The following PLAGL1 variants were observed in gnomAD, a reference collection of about 807,000 sequenced individuals.
The protein encoded by PLAGL1 is PLAG1 like zinc finger 1.
In PLAGL1, 1 loss-of-function variant was observed where a neutral mutation model predicts 4.6. The ratio of observed to expected loss-of-function variants is 0.22; its 90% CI spans 0.08 to 1.03. PLAGL1 has a LOEUF of 1.03. PLAGL1 is among the 50% of genes least tolerant of loss of function. The probability of loss-of-function intolerance (pLI) is 0.58; values close to 1 mark genes in which losing one functional copy is unlikely to be tolerated. For missense variants in PLAGL1, 464 were observed against 570.4 expected (o/e 0.81, Z 1.90); for synonymous variants, 240 against 237.8 (o/e 1.01, Z -0.08).
At position 143,994,509 on chromosome 6, in the gene PLAGL1, C is replaced by T. The variant is rs1009887225; in HGVS notation, c.-583-9335G>A. ...AGTGCGGACAGATTTAACAAGGCAG[C>T]CCTACTTCACAGTAGCTCTTGAAAT... On this transcript the variant is annotated intron_variant, in intron 1 of 7. Transcript: ENST00000674357. This position sits in a 1 kb window ranked among gnomAD's most constrained non-coding sequence, Gnocchi z 4.3. Among the ~76,000 whole-genome samples, 1 of 152,168 alleles carries T rather than the reference C, an allele frequency of 6.6e-6. No homozygotes were observed. Among genetic ancestry groups the T allele is most frequent in the Admixed American group, 6.5e-5 (1 of 15,282 alleles).
In PLAGL1 at chr6:143,960,689, A is replaced by G. The variant is rs1307680134; in HGVS notation, c.-398-147T>C. 1 of 152,214 alleles carries G rather than the reference A, an allele frequency of 6.6e-6. No individual in the cohort carries two copies. Among genetic ancestry groups the G allele is most frequent in the Non-Finnish European group, 1.5e-5 (1 of 68,030 alleles). The allele number at this position is 152,214 out of a possible 1,614,324, so 9.4% of individuals were successfully genotyped here. A position where few individuals can be genotyped will look rare whatever the true frequency, so the allele number is the denominator to read the frequency against. On this transcript the variant is annotated intron_variant, in intron 5 of 7. Transcript: ENST00000674357. The surrounding 1 kb of genome is among the most constrained non-coding windows in gnomAD (Gnocchi z 5.7). ...TTCTAGTGTTTTTTCATGCATTTTA[A>G]TAGATGATCTTTAAACACTCATATC...
chr6:144,021,285 T>C (rs1795961014), intron 1 of PLAGL1, among the ~76,000 whole-genome samples: 1 of 152,224 alleles, frequency 6.6e-6, no homozygotes, highest in Non-Finnish European at 1.5e-5. Context: ...TAAGAGTCTC[T>C]ACAAGTTCTA....
At position 143,997,782 on chromosome 6, in the gene PLAGL1, G is replaced by C. The variant is rs957874207; in HGVS notation, c.-584+10308C>G. 6.6e-6 allele frequency among the ~76,000 whole-genome samples: 1 copy of C among 151,560 alleles called. No individual in the cohort carries two copies. Among genetic ancestry groups the C allele is most frequent in the Admixed American group, 6.6e-5 (1 of 15,252 alleles). On this transcript the variant is annotated intron_variant, in intron 1 of 7. Coordinates refer to ENST00000674357, the MANE Select transcript of PLAGL1 (RefSeq NM_001317162.2). This position sits in a 1 kb window ranked among gnomAD's most constrained non-coding sequence, Gnocchi z 4.6. ...TCCATAGGGGAGGTGTTGACCAGGA[G>C]GTAAATGAGAGAATTTTATCCTCGA...
chr6:144,032,362 G>A (rs529679413), intron 1 of PLAGL1, among the ~76,000 whole-genome samples: 7 of 149,694 alleles, frequency 4.7e-5, no homozygotes, highest in Non-Finnish European at 8.9e-5. Flanking sequence ...GGGCTCAAGT[G>A]ATCCTCCCAC....
rs756165180 is a variant in PLAGL1 at position 144,059,525 on chromosome 6, C to G, written c.-151+4943G>C. Among the ~76,000 whole-genome samples the G allele has an allele frequency of 3.4e-4, 52 of 152,216 alleles. No homozygotes were observed. Among genetic ancestry groups the G allele is most frequent in the Non-Finnish European group, 6.9e-4 (47 of 68,040 alleles). The stretch of plus-strand genomic sequence containing the variant: ...CCTGTGACCTCCTGCTCTGTAACCT[C>G]CCTTCTCAATAATAGGGAAGAATCA... On this transcript the variant is annotated intron_variant, in intron 1 of 3. Transcript: ENST00000437412. This position sits in a 1 kb window ranked among gnomAD's most constrained non-coding sequence, Gnocchi z 4.9.
rs1248553275 is a variant in PLAGL1 at position 143,941,407 on chromosome 6, TAC to T, written c.*15_*16del. On this transcript the variant is annotated 3_prime_UTR_variant, in exon 8 of 8. Coordinates refer to ENST00000674357, the MANE Select transcript of PLAGL1 (RefSeq NM_001317162.2). This position sits in a 1 kb window ranked among gnomAD's most constrained non-coding sequence, Gnocchi z 6.0. ...AAAACATCTTCCAGAATACGAAAAATACACTTTAAAAATCAATTATCTGAATG... is the reference window on the plus strand; with the variant it reads ...AAAACATCTTCCAGAATACGAAAAATACTTTAAAAATCAATTATCTGAATG... 6.7e-7 allele frequency: 1 copy of T among 1,486,362 alleles called. No individual in the cohort carries two copies. Among genetic ancestry groups the T allele is most frequent in the African/African-American group, 1.4e-5 (1 of 71,130 alleles). 92.1% of individuals were successfully genotyped at this position (1,486,362 alleles called of 1,614,324 possible).
In PLAGL1 at chr6:143,985,744, C is replaced by A. The variant is rs1019839999; in HGVS notation, c.-583-570G>T. Among the ~76,000 whole-genome samples, 4 of 151,684 alleles carry A rather than the reference C, an allele frequency of 2.6e-5. No individual in the cohort carries two copies. Among genetic ancestry groups the A allele is most frequent in the Non-Finnish European group, 5.9e-5 (4 of 67,946 alleles). On this transcript the variant is annotated intron_variant, in intron 1 of 7. Transcript: ENST00000674357. The surrounding 1 kb of genome is among the most constrained non-coding windows in gnomAD (Gnocchi z 4.4). ...AGGGAGAAGTTTTTCTCATTGTTAG[C>A]ATGGCATAGATCACTCATTTCAAAA... is the stretch of plus-strand genomic sequence containing the variant.
At chr6:143,977,284 G>A (rs1442797029) in intron 2 of PLAGL1, among the ~76,000 whole-genome samples, 1 of 151,902 alleles carries the variant, frequency 6.6e-6, no homozygotes, top group African/African-American at 2.4e-5. Context: ...ATACAGAGAA[G>A]TTTTGCCGAT....
chr6:144,003,724 C>T (rs1238796953), intron 1 of PLAGL1, among the ~76,000 whole-genome samples: 1 of 151,312 alleles, frequency 6.6e-6, no homozygotes, highest in Non-Finnish European at 1.5e-5. Context: ...ATATTAGGAA[C>T]TAAAAATCAT....
intron 1 of PLAGL1, among the ~76,000 whole-genome samples, chr6:144,045,441 T>C (rs552426800): frequency 1.3e-5 from 2 of 152,202 alleles, no homozygotes; most frequent in African/African-American, 2.4e-5. Flanking sequence ...CCTTCACTTA[T>C]GAAGAAGCTT....
At position 143,955,626 on chromosome 6, in the gene PLAGL1, C is replaced by T. The variant is rs2128542774; in HGVS notation, c.-325+4843G>A. On this transcript the variant is annotated intron_variant, in intron 6 of 7. Coordinates refer to ENST00000674357, the MANE Select transcript of PLAGL1 (RefSeq NM_001317162.2). The surrounding 1 kb of genome is among the most constrained non-coding windows in gnomAD (Gnocchi z 4.9). Reference sequence around the variant, plus strand: ...GCCACAGAAAACTGACAAAACCAAACTACCAAGGGGAAAGGACGACCCAGG... The same window carrying T: ...GCCACAGAAAACTGACAAAACCAAATTACCAAGGGGAAAGGACGACCCAGG... Among the ~76,000 whole-genome samples the T allele has an allele frequency of 6.6e-6, 1 of 152,252 alleles. No homozygotes were observed. The highest frequency in any genetic ancestry group is 2.1e-4 in the South Asian group (1 of 4,818).
Position 144,056,759 on chromosome 6 carries a change from G to C in PLAGL1, c.-151+7709C>G, listed in dbSNP as rs1381028153. On this transcript the variant is annotated intron_variant, in intron 1 of 3. Coordinates refer to the PLAGL1 transcript ENST00000437412. The surrounding 1 kb of genome is among the most constrained non-coding windows in gnomAD (Gnocchi z 4.7). ...TACTCACTGTAGCCATGACCTCTTGGGCTCAAGTAATCCTCCCACATTAGC... is the reference window on the plus strand; with the variant it reads ...TACTCACTGTAGCCATGACCTCTTGCGCTCAAGTAATCCTCCCACATTAGC... 6.6e-6 allele frequency among the ~76,000 whole-genome samples: 1 copy of C among 152,028 alleles called. No homozygotes were observed. The highest frequency in any genetic ancestry group is 2.4e-5 in the African/African-American group (1 of 41,392).
chr6:144,041,454 C>T (rs7765202), intron 1 of PLAGL1, among the ~76,000 whole-genome samples: 125,622 of 151,952 alleles, frequency 0.83, 52,047 homozygotes, highest in Non-Finnish European at 0.86. Context: ...GTCCCTGTGA[C>T]AATTTGCTCA....
At chr6:143,988,472 C>T (rs1184899920) in intron 1 of PLAGL1, among the ~76,000 whole-genome samples, 1 of 152,182 alleles carries the variant, frequency 6.6e-6, no homozygotes, top group East Asian at 1.9e-4. Flanking sequence ...CCAAGATCTT[C>T]CCTGAAAGGC....
intron 1 of PLAGL1, among the ~76,000 whole-genome samples, chr6:144,060,933 T>A (rs533064088): frequency 1.3e-5 from 2 of 152,270 alleles, no homozygotes; most frequent in Non-Finnish European, 2.9e-5. Flanking sequence ...TTTCAGTATG[T>A]TATTGGAAGT....
chr6:144,037,045 G>A lies in PLAGL1; in HGVS notation c.-151+27423C>T, dbSNP rs373285203. ...CTGCTTGCCTCTTGTCACAGAGCAC[G>A]CCTGCGTGTCTCTAAAAGCATGTGA... On this transcript the variant is annotated intron_variant, in intron 1 of 3. Transcript: ENST00000437412. 20 of 160,568 alleles carry A rather than the reference G, an allele frequency of 1.2e-4. 1 individual carries two copies. The South Asian group carries it at 3.0e-3, about 24-fold the overall frequency. 9.9% of individuals were successfully genotyped at this position (160,568 alleles called of 1,614,324 possible). A position where few individuals can be genotyped will look rare whatever the true frequency, so the allele number is the denominator to read the frequency against.
intron 1 of PLAGL1, chr6:144,037,687 T>C (rs1033807649): frequency 7.0e-5 from 6 of 85,676 alleles, no homozygotes; most frequent in East Asian, 2.6e-4. Flanking sequence ...ATACAATGCA[T>C]ATCAACATTA....
chr6:143,977,083 TCC>T (rs55975019), intron 2 of PLAGL1, among the ~76,000 whole-genome samples: 12 of 137,010 alleles, frequency 8.8e-5, no homozygotes, highest in African/African-American at 2.9e-4. Context: ...TATACTCCCT[TCC>T]CCCCCCCCAA....
Position 144,004,221 on chromosome 6 carries a change from A to G in PLAGL1, c.-584+3869T>C, listed in dbSNP as rs910821990. Reference sequence around the variant, plus strand: ...TTTAAGATGGGGTCATCTCACTGTCACCCAGGCTGCAGTGCAGTGGCATGA... The same window carrying G: ...TTTAAGATGGGGTCATCTCACTGTCGCCCAGGCTGCAGTGCAGTGGCATGA... On this transcript the variant is annotated intron_variant, in intron 1 of 7. Transcript: ENST00000674357. The surrounding 1 kb of genome is among the most constrained non-coding windows in gnomAD (Gnocchi z 4.2). Among the ~76,000 whole-genome samples, 3 of 151,242 alleles carry G rather than the reference A, an allele frequency of 2.0e-5. No homozygotes were observed. Among genetic ancestry groups the G allele is most frequent in the Non-Finnish European group, 2.9e-5 (2 of 67,926 alleles).
Sources: allele counts gnomAD v4.1 joint callset (sites outside exome capture counted in the v4.1 genomes callset), GRCh38; gene constraint gnomAD v4.1.1; non-coding constraint Gnocchi (gnomAD v3.1); transcripts MANE v1.5; gene names NCBI Gene and HGNC (gene_info 2026-07-23, HGNC 2026-07-21).